IL1RAPL1: variants seen among roughly 807,000 people sequenced by gnomAD.
IL1RAPL1 encodes interleukin-1 receptor accessory protein-like 1.
IL1RAPL1 carries 3 observed loss-of-function variants against 48.4 expected under a neutral mutation model. The observed-to-expected ratio is 0.06, with a 90% CI of 0.03 to 0.16. The LOEUF (loss-of-function observed/expected upper bound fraction) is 0.16. Ranked by LOEUF, IL1RAPL1 falls within the 10% of genes least tolerant of loss-of-function variation. The pLI is 1.00. For synonymous variants in IL1RAPL1, 185 were observed against 187.7 expected, an observed-to-expected ratio of 0.99 and a Z score of 0.12; for missense variants, 349 against 530.6, an observed-to-expected ratio of 0.66 and a Z score of 3.36.
intron 2 of IL1RAPL1, among the ~76,000 whole-genome samples, chrX:28,873,203 C>T (rs112477273): frequency 0.067 from 6,962 of 103,191 alleles, 527 homozygotes; most frequent in East Asian, 0.23. Flanking sequence ...GTCCGCCTCC[C>T]GGGTTCAAGC....
At chrX:28,801,147 C>T (rs1208423494) in intron 2 of IL1RAPL1, among the ~76,000 whole-genome samples, 1 of 110,297 alleles carries the variant, frequency 9.1e-6, no homozygotes, top group Admixed American at 9.8e-5. Context: ...TCCCAAAGTG[C>T]TGGGATTACA....
chrX:29,227,044 G>C (rs774220036), intron 2 of IL1RAPL1, among the ~76,000 whole-genome samples: 24 of 108,585 alleles, frequency 2.2e-4, no homozygotes, highest in Non-Finnish European at 4.2e-4. Context: ...TGAATCACCT[G>C]CGTGGACACT....
chrX:29,802,519 G>A (rs1447925622), intron 6 of IL1RAPL1, among the ~76,000 whole-genome samples: 1 of 107,408 alleles, frequency 9.3e-6, no homozygotes, highest in Non-Finnish European at 1.9e-5. Context: ...AAAAATACAA[G>A]CCAGGGCTTT....
intron 5 of IL1RAPL1, among the ~76,000 whole-genome samples, chrX:29,538,574 G>A (rs1462492987): frequency 9.2e-6 from 1 of 108,275 alleles, no homozygotes; most frequent in East Asian, 2.9e-4. Context: ...CTGACCTCAG[G>A]TGATACACCC....
intron 1 of IL1RAPL1, among the ~76,000 whole-genome samples, chrX:28,758,214 G>A (rs2147249486): frequency 8.9e-6 from 1 of 112,076 alleles, no homozygotes; most frequent in Admixed American, 9.5e-5. Flanking sequence ...AAGAGGCCCA[G>A]TGAGGAAGCT....
intron 3 of IL1RAPL1, among the ~76,000 whole-genome samples, chrX:29,371,848 G>A (rs746918893): frequency 2.6e-4 from 29 of 112,045 alleles, no homozygotes; most frequent in Non-Finnish European, 5.3e-4. Context: ...CCATTGATGG[G>A]CACCTAAGTT....
intron 3 of IL1RAPL1, among the ~76,000 whole-genome samples, chrX:29,317,733 G>C (rs1226987851): frequency 8.9e-6 from 1 of 112,226 alleles, no homozygotes; most frequent in Non-Finnish European, 1.9e-5. Context: ...TTCAGCCTTA[G>C]TGGCATTCAC....
At chrX:28,897,214 G>T (rs1183473398) in intron 2 of IL1RAPL1, among the ~76,000 whole-genome samples, 1 of 88,439 alleles carries the variant, frequency 1.1e-5, no homozygotes, top group Non-Finnish European at 2.2e-5. Flanking sequence ...ACGGAGAGAA[G>T]GGGTCGGGGG....
chrX:29,675,118 T>C (rs2147102733), intron 6 of IL1RAPL1, among the ~76,000 whole-genome samples: 1 of 112,600 alleles, frequency 8.9e-6, no homozygotes, highest in African/African-American at 3.2e-5. Flanking sequence ...ATGGTAGTTC[T>C]GTTTTTAGCT....
intron 2 of IL1RAPL1, among the ~76,000 whole-genome samples, chrX:29,049,637 C>G (rs762387182): frequency 3.6e-5 from 4 of 112,308 alleles, no homozygotes; most frequent in African/African-American, 6.5e-5. Context: ...GGTGCATTGA[C>G]TAGCACATAG....
intron 6 of IL1RAPL1, among the ~76,000 whole-genome samples, chrX:29,764,513 G>A (rs1347935330): frequency 2.7e-5 from 3 of 111,576 alleles, no homozygotes; most frequent in African/African-American, 9.8e-5. Flanking sequence ...AATTTGAATT[G>A]TTCATATCAG....
chrX:28,762,157 C>A (rs1936180548), intron 1 of IL1RAPL1, among the ~76,000 whole-genome samples: 1 of 110,633 alleles, frequency 9.0e-6, no homozygotes, highest in South Asian at 3.8e-4. Context: ...TACCAAAATC[C>A]AGAAGGAAAT....
chrX:28,626,193 A>AT (rs1934339207), intron 1 of IL1RAPL1, among the ~76,000 whole-genome samples: 4 of 112,543 alleles, frequency 3.6e-5, no homozygotes, highest in South Asian at 7.3e-4. Flanking sequence ...TTGTATTATC[A>AT]TTAAACATCT....
intron 5 of IL1RAPL1, among the ~76,000 whole-genome samples, chrX:29,462,636 G>A (rs1602246885): frequency 9.0e-6 from 1 of 111,555 alleles, no homozygotes; most frequent in East Asian, 2.8e-4. Context: ...TTCCAGGCCA[G>A]CTGAAGCAAA....
intron 6 of IL1RAPL1, among the ~76,000 whole-genome samples, chrX:29,688,735 T>TCC (rs1555912722): frequency 9.5e-6 from 1 of 105,166 alleles, no homozygotes; most frequent in Non-Finnish European, 1.9e-5. Flanking sequence ...TGCTTCTCTC[T>TCC]CTCTCTCTCT....
intron 2 of IL1RAPL1, among the ~76,000 whole-genome samples, chrX:28,982,143 T>C (rs1925358568): frequency 8.9e-6 from 1 of 112,257 alleles, no homozygotes; most frequent in Admixed American, 9.5e-5. Context: ...TGTTTTCTCT[T>C]TCAGTTTCAT....
rs764521272 is a variant in IL1RAPL1, at chrX:28,764,836, CAT to C, written c.-24-24481_-24-24480del. Among the ~76,000 whole-genome samples, 246 of 110,390 alleles carry C rather than the reference CAT, an allele frequency of 2.2e-3. 4 individuals are homozygous for C. The highest frequency in any genetic ancestry group is 7.8e-3 in the African/African-American group (236 of 30,296). Reference sequence around the variant, plus strand: ...GCACGCAAACACACACACACACACACATATCCCCCATGCTCACGTATGTTTAT... The same window carrying C: ...GCACGCAAACACACACACACACACACATCCCCCATGCTCACGTATGTTTAT... On this transcript the variant is annotated intron_variant, in intron 1 of 10. Coordinates refer to ENST00000378993, the MANE Select transcript of IL1RAPL1 (RefSeq NM_014271.4).
At chrX:28,669,341 G>A (rs1426023441) in intron 1 of IL1RAPL1, among the ~76,000 whole-genome samples, 4 of 110,856 alleles carry the variant, frequency 3.6e-5, no homozygotes, top group Non-Finnish European at 5.7e-5. Context: ...CCCCAAGGCC[G>A]GGCGCAGTGG....
chrX:29,521,950 G>A (rs1478399220), intron 5 of IL1RAPL1, among the ~76,000 whole-genome samples: 1 of 110,769 alleles, frequency 9.0e-6, no homozygotes, highest in Non-Finnish European at 1.9e-5. Flanking sequence ...CTTTTACTGT[G>A]GTGTTCCCTG....
Sources: gnomAD v4.1 joint callset for allele counts (sites outside exome capture counted in the v4.1 genomes callset) on GRCh38, gnomAD v4.1.1 for gene constraint, MANE v1.5 for transcripts, NCBI Gene and HGNC (gene_info 2026-07-23, HGNC 2026-07-21) for gene names.